The following CDC14A variants were observed in gnomAD, a reference collection of about 807,000 sequenced individuals.
The protein encoded by CDC14A is dual specificity protein phosphatase CDC14A.
A neutral mutation model predicts 74.4 loss-of-function variants in CDC14A; 53 were observed. The ratio of observed to expected loss-of-function variants is 0.71; its 90% CI spans 0.57 to 0.89. The LOEUF is 0.89. CDC14A is among the 40% of genes least tolerant of loss of function. The pLI is 0.00. For synonymous variants in CDC14A, 247 were observed against 258.4 expected (o/e 0.96, Z 0.43); for missense variants, 646 against 713.7 (o/e 0.91, Z 1.08).
At chr1:100,440,680 A>C (rs1420387430) in intron 6 of CDC14A, among the ~76,000 whole-genome samples, 3 of 152,230 alleles carry the variant, frequency 2.0e-5, no homozygotes, top group Non-Finnish European at 4.4e-5. Flanking sequence ...TACATAACCT[A>C]TTGATCATAG....
chr1:100,398,581 A>G (rs1021010097), intron 4 of CDC14A, among the ~76,000 whole-genome samples: 1 of 152,200 alleles, frequency 6.6e-6, no homozygotes, highest in Non-Finnish European at 1.5e-5. Context: ...TTGTTTAGCT[A>G]CTATGAGCCC....
At position 100,390,764 on chromosome 1, in the gene CDC14A, C is replaced by T; in HGVS notation, c.249C>T (p.His83=). The stretch of plus-strand genomic sequence containing the variant: ...GTTTGTCAAGAAAGAAAATAGTGCA[C>T]TACACCTGTTTTGACCAACGGAAAA... ...SYSLSRKKIV[H]YTCFDQRKRA... The change falls in exon 4 of 16, where the codon CAC becomes CAT. Residue 83 remains histidine, a synonymous_variant. Coordinates refer to ENST00000336454, the MANE Select transcript of CDC14A (RefSeq NM_003672.4). 1 of 1,612,800 alleles carries T rather than the reference C, an allele frequency of 6.2e-7. No individual in the cohort carries two copies.
chr1:100,415,494 A>G (rs1351608047), intron 4 of CDC14A, among the ~76,000 whole-genome samples: 3 of 152,226 alleles, frequency 2.0e-5, no homozygotes, highest in African/African-American at 7.2e-5. Flanking sequence ...GTTCTGCTTA[A>G]CTTCTATGAT....
chr1:100,482,838 T>A (rs1053983842), intron 10 of CDC14A, among the ~76,000 whole-genome samples: 21 of 152,092 alleles, frequency 1.4e-4, no homozygotes, highest in South Asian at 1.0e-3. Flanking sequence ...ATATATATAT[T>A]TTTTTATACT....
intron 15 of CDC14A, among the ~76,000 whole-genome samples, chr1:100,514,207 T>C (rs1443684731): frequency 6.6e-6 from 1 of 152,166 alleles, no homozygotes; most frequent in Non-Finnish European, 1.5e-5. Flanking sequence ...ACTGTCATTG[T>C]TATAATTTAT....
At chr1:100,455,341 G>C in intron 7 of CDC14A, 64 bp from the exon 8 acceptor site, 1 of 1,062,720 alleles carries the variant, frequency 9.4e-7, no homozygotes, top group East Asian at 2.6e-5. Context: ...ATTTGTAAGG[G>C]TTTCCTAAAT....
intron 15 of CDC14A, among the ~76,000 whole-genome samples, chr1:100,514,177 CTTT>C (rs566930071): frequency 0.19 from 2,304 of 12,062 alleles, 25 homozygotes; most frequent in Middle Eastern, 0.58. Context: ...ATTATTTTCA[CTTT>C]CTTTATAACC....
At chr1:100,502,066 CAATT>C in intron 15 of CDC14A, among the ~76,000 whole-genome samples, 1 of 151,936 alleles carries the variant, frequency 6.6e-6, no homozygotes, top group East Asian at 1.9e-4. Flanking sequence ...AAAGTTAAAA[CAATT>C]AAGTTTATAA....
chr1:100,420,051 C>CATATATATATATATAT (rs1430165704), intron 4 of CDC14A, among the ~76,000 whole-genome samples: 3 of 14,846 alleles, frequency 2.0e-4, no homozygotes, highest in African/African-American at 7.6e-4. Context: ...CACACACACA[C>CATATATATATATATAT]ACACACACAC....
chr1:100,415,851 G>C (rs1661468169), intron 4 of CDC14A, among the ~76,000 whole-genome samples: 1 of 152,154 alleles, frequency 6.6e-6, no homozygotes, highest in African/African-American at 2.4e-5. Flanking sequence ...TTATGCATTT[G>C]AGAAATGTAT....
intron 3 of CDC14A, among the ~76,000 whole-genome samples, chr1:100,384,043 A>G (rs982155216): frequency 6.6e-6 from 1 of 151,982 alleles, no homozygotes; most frequent in Admixed American, 6.6e-5. Context: ...GCTATTTGTT[A>G]TTTGTGCAGC....
chr1:100,420,082 A>ATATATATATATATATGT (rs58124351), intron 4 of CDC14A, among the ~76,000 whole-genome samples: 35 of 105,510 alleles, frequency 3.3e-4, no homozygotes, highest in African/African-American at 1.2e-3. Flanking sequence ...ATATATATAT[A>ATATATATATATATATGT]GTGTGTATGT....
intron 2 of CDC14A, among the ~76,000 whole-genome samples, chr1:100,375,496 C>G (rs548761447): frequency 3.0e-4 from 46 of 152,068 alleles, no homozygotes; most frequent in Non-Finnish European, 6.6e-4. Context: ...TTAAAAAGTA[C>G]AGGCATTTCT....
intron 2 of CDC14A, among the ~76,000 whole-genome samples, chr1:100,376,160 G>A (rs1176502081): frequency 6.6e-6 from 1 of 152,164 alleles, no homozygotes. Flanking sequence ...CATGGGGTGG[G>A]GGGATGGGGG....
chr1:100,498,901 T>C, intron 14 of CDC14A, 28 bp from the exon 15 acceptor site: 2 of 1,588,630 alleles, frequency 1.3e-6, no homozygotes, highest in Non-Finnish European at 1.7e-6. Context: ...GTCTGTTTTT[T>C]CCCTCCTCAC....
At chr1:100,427,724 CTG>C (rs1663121009) in intron 5 of CDC14A, among the ~76,000 whole-genome samples, 1 of 152,184 alleles carries the variant, frequency 6.6e-6, no homozygotes, top group South Asian at 2.1e-4. Context: ...GTGCCAGTCA[CTG>C]TGATAGTCCT....
At chr1:100,463,210 CA>C (rs1195423955) in intron 9 of CDC14A, among the ~76,000 whole-genome samples, 1 of 152,140 alleles carries the variant, frequency 6.6e-6, no homozygotes, top group African/African-American at 2.4e-5. Context: ...TCTCAAGAGA[CA>C]AGGGTTGTTA....
chr1:100,359,713 T>C (rs547131261), intron 2 of CDC14A, among the ~76,000 whole-genome samples: 1 of 152,252 alleles, frequency 6.6e-6, no homozygotes, highest in South Asian at 2.1e-4. Flanking sequence ...AGCCCAGTTT[T>C]TATAAGCCTA....
chr1:100,471,723 G>A (rs1360607455), intron 10 of CDC14A, among the ~76,000 whole-genome samples: 2 of 152,118 alleles, frequency 1.3e-5, no homozygotes, highest in Non-Finnish European at 2.9e-5. Flanking sequence ...TGATAAAGGT[G>A]ACATGTTAGA....
Sources: allele counts gnomAD v4.1 joint callset (sites outside exome capture counted in the v4.1 genomes callset), GRCh38; gene constraint gnomAD v4.1.1; transcripts MANE v1.5; gene names NCBI Gene and HGNC (gene_info 2026-07-23, HGNC 2026-07-21).